Variants in GRM1 observed in about 807,000 individuals in gnomAD.
The protein encoded by GRM1 is metabotropic glutamate receptor 1.
GRM1 carries 33 observed loss-of-function variants against 90.9 expected under a neutral mutation model. The ratio of observed to expected loss-of-function variants is 0.36; its 90% CI spans 0.28 to 0.49. The LOEUF (loss-of-function observed/expected upper bound fraction) is 0.49. GRM1 is among the 20% of genes least tolerant of loss of function. GRM1 has a pLI of 0.99. For missense variants in GRM1, 1,190 were observed against 1,534.3 expected, an observed-to-expected ratio of 0.78 and a Z score of 3.75; for synonymous variants, 700 against 613.2, an observed-to-expected ratio of 1.14 and a Z score of -2.09.
At chr6:146,134,109 G>C (rs952167289) in intron 1 of GRM1, among the ~76,000 whole-genome samples, 1 of 152,142 alleles carries the variant, frequency 6.6e-6, no homozygotes, top group African/African-American at 2.4e-5. Flanking sequence ...TGGTCTACCC[G>C]CTATAGATGC....
chr6:146,351,170 A>G (rs1033200159), intron 3 of GRM1, among the ~76,000 whole-genome samples: 3 of 152,134 alleles, frequency 2.0e-5, no homozygotes, highest in Admixed American at 6.5e-5. Flanking sequence ...GGTTGGAACA[A>G]AGGGCAGCTG....
At position 146,049,677 on chromosome 6, in the gene GRM1, A is replaced by ATCTG. The variant is rs1226594325; in HGVS notation, c.700+19463_700+19464insGTCT. ...TATCTATCTATCTATCTATCTATCT[A>ATCTG]TCTATCTATCTATCTATCTATCTAT... On this transcript the variant is annotated intron_variant, in intron 1 of 7. Transcript: ENST00000282753. 7.9e-5 allele frequency among the ~76,000 whole-genome samples: 12 copies of ATCTG among 151,690 alleles called. No homozygotes were observed. In the East Asian group the frequency reaches 2.3e-3, roughly 30 times the overall value.
intron 3 of GRM1, among the ~76,000 whole-genome samples, chr6:146,324,201 A>G (rs751547407): frequency 1.3e-5 from 2 of 152,120 alleles, no homozygotes; most frequent in African/African-American, 2.4e-5. Flanking sequence ...TGGGAGGGGA[A>G]AACCACCTAC....
chr6:146,157,642 G>A (rs2128890368), intron 1 of GRM1, among the ~76,000 whole-genome samples: 1 of 152,124 alleles, frequency 6.6e-6, no homozygotes, highest in South Asian at 2.1e-4. Flanking sequence ...TGATAGGAAG[G>A]AGAAATTGAT....
rs117525107 is a variant in GRM1 at position 146,228,813 on chromosome 6, T to C, written c.950+69216T>C. 1.2e-4 allele frequency among the ~76,000 whole-genome samples: 18 copies of C among 152,332 alleles called. No homozygotes were observed. The East Asian group carries it at 3.5e-3, about 29-fold the overall frequency. On this transcript the variant is annotated intron_variant, in intron 2 of 7. Transcript: ENST00000282753. ...TGTAGCTTCTCCAATTTTATCTTTTTATCAATTACATCATCTATAAATGCG... is the reference window on the plus strand; with the variant it reads ...TGTAGCTTCTCCAATTTTATCTTTTCATCAATTACATCATCTATAAATGCG...
intron 1 of GRM1, among the ~76,000 whole-genome samples, chr6:146,090,598 TG>T (rs1298523983): frequency 6.6e-6 from 1 of 152,086 alleles, no homozygotes; most frequent in Non-Finnish European, 1.5e-5. Flanking sequence ...CCCCATTGGG[TG>T]GCTTTAAGCC....
chr6:146,096,163 A>G (rs1776867143), intron 1 of GRM1, among the ~76,000 whole-genome samples: 1 of 152,148 alleles, frequency 6.6e-6, no homozygotes, highest in African/African-American at 2.4e-5. Flanking sequence ...GTTTTTTCAA[A>G]CAGATTTATG....
chr6:146,159,471 G>A lies in GRM1; in HGVS notation c.824G>A (p.Arg275His), dbSNP rs553512718. The A allele has an allele frequency of 3.1e-6, 5 of 1,614,176 alleles. No homozygotes were observed. Among genetic ancestry groups the A allele is most frequent in the East Asian group, 4.5e-5 (2 of 44,872 alleles). ...GAGAAGAGCTTTGACCGACTCTTGC[G>A]CAAACTCCGAGAGAGGCTTCCCAAG... The part of the protein sequence containing the change: ...AGEKSFDRLL[R>H]KLRERLPKAR... The change falls in exon 2 of 8, where the codon CGC (arginine) becomes CAC (histidine). Residue 275 changes from arginine to histidine, a missense_variant. This residue lies in a region of GRM1 where 45 missense variants were observed against 45.5 expected (regional missense o/e 0.99). Transcript: ENST00000282753.
intron 2 of GRM1, among the ~76,000 whole-genome samples, chr6:146,248,684 G>C (rs1781163169): frequency 6.6e-6 from 1 of 152,156 alleles, no homozygotes; most frequent in Non-Finnish European, 1.5e-5. Flanking sequence ...TACAAGGAGT[G>C]AGGTAAAATG....
intron 1 of GRM1, among the ~76,000 whole-genome samples, chr6:146,082,955 C>T (rs1341064756): frequency 1.3e-5 from 2 of 152,108 alleles, no homozygotes; most frequent in Non-Finnish European, 2.9e-5. Flanking sequence ...CCTTCACATC[C>T]CTTGTTAGCT....
At position 146,399,163 on chromosome 6, in the gene GRM1, C is replaced by T. The variant is rs1403824525; in HGVS notation, c.2124C>T (p.Ile708=). 3 of 1,614,124 alleles carry T rather than the reference C, an allele frequency of 1.9e-6. No homozygotes were observed. The highest frequency in any genetic ancestry group is 1.3e-5 in the African/African-American group (1 of 75,024). Residue 708 remains isoleucine (I), a synonymous_variant, in exon 7 of 8, where the codon ATC becomes ATT. Transcript: ENST00000282753. The surrounding 1 kb of genome is among the most constrained non-coding windows in gnomAD (Gnocchi z 5.4). ...TCATGAGTGCCTGGGCTCAGGTGAT[C>T]ATTGCCTCAATTCTGATTAGTGTGC... is the stretch of plus-strand genomic sequence containing the variant. The part of the protein sequence containing the change: ...PRFMSAWAQV[I]IASILISVQL...
intron 4 of GRM1, 101 bp downstream of exon 4, chr6:146,352,597 TG>T: frequency 8.5e-7 from 1 of 1,180,678 alleles, no homozygotes; most frequent in East Asian, 2.3e-5. Flanking sequence ...CTGGGTGCCA[TG>T]AGGATAGATA....
intron 5 of GRM1, among the ~76,000 whole-genome samples, chr6:146,377,241 C>T (rs1202138525): frequency 6.6e-6 from 1 of 152,050 alleles, no homozygotes; most frequent in Non-Finnish European, 1.5e-5. Context: ...AACTGGGTAA[C>T]AGGCAGAGAT....
chr6:146,313,774 C>G (rs967519252), intron 3 of GRM1, among the ~76,000 whole-genome samples: 2 of 151,990 alleles, frequency 1.3e-5, no homozygotes, highest in Non-Finnish European at 2.9e-5. Context: ...TGTATATGCC[C>G]AAGAAACATT....
chr6:146,174,869 C>T (rs1186507441), intron 2 of GRM1, among the ~76,000 whole-genome samples: 1 of 152,192 alleles, frequency 6.6e-6, no homozygotes, highest in African/African-American at 2.4e-5. Context: ...ATTCACTTTG[C>T]CATTGCCATG....
chr6:146,408,570 TTATAC>T lies in GRM1; in HGVS notation c.2660+8879_2660+8883del, dbSNP rs200904786. Among the ~76,000 whole-genome samples, 36 of 152,300 alleles carry T rather than the reference TTATAC, an allele frequency of 2.4e-4. No homozygotes were observed. The East Asian group carries it at 7.0e-3, about 29-fold the overall frequency. ...AACATGGGAAGGTATATGAAAGTTCTTATACTATACTAACATAAAATTCGTAATTA... is the reference window on the plus strand; with the variant it reads ...AACATGGGAAGGTATATGAAAGTTCTTATACTAACATAAAATTCGTAATTA... On this transcript the variant is annotated intron_variant, in intron 7 of 7. Coordinates refer to ENST00000282753, the MANE Select transcript of GRM1 (RefSeq NM_001278064.2).
chr6:146,213,725 TA>T (rs1779761228), intron 2 of GRM1, among the ~76,000 whole-genome samples: 1 of 150,478 alleles, frequency 6.6e-6, no homozygotes, highest in East Asian at 1.9e-4. Flanking sequence ...GATAGATAGA[TA>T]GATAGATAGA....
intron 5 of GRM1, among the ~76,000 whole-genome samples, chr6:146,380,686 A>G (rs75875048): frequency 6.6e-6 from 1 of 152,106 alleles, no homozygotes; most frequent in Non-Finnish European, 1.5e-5. Context: ...TCTCCCAAGC[A>G]GAAGGAGTTT....
chr6:146,306,925 G>T (rs1039729472), intron 3 of GRM1, among the ~76,000 whole-genome samples: 9 of 152,120 alleles, frequency 5.9e-5, no homozygotes, highest in African/African-American at 2.2e-4. Context: ...GCTGATTTTG[G>T]ATAAATTAAG....
Sources: allele counts gnomAD v4.1 joint callset (sites outside exome capture counted in the v4.1 genomes callset), GRCh38; gene constraint gnomAD v4.1.1; regional missense constraint gnomAD v4.1.1; non-coding constraint Gnocchi (gnomAD v3.1); transcripts MANE v1.5; gene names NCBI Gene and HGNC (gene_info 2026-07-23, HGNC 2026-07-21).